The following FZD3 variants were observed in gnomAD, a reference collection of about 807,000 sequenced individuals.
FZD3 encodes the protein frizzled-3.
In FZD3, 30 loss-of-function variants were observed where a neutral mutation model predicts 60.7. The ratio of observed to expected loss-of-function variants is 0.49; its 90% CI spans 0.37 to 0.67. The LOEUF is 0.67. Among genes scored for constraint, FZD3 ranks in the 30% least tolerant of loss-of-function variants. The pLI is 0.00. For missense variants in FZD3, 605 were observed against 838.7 expected, an observed-to-expected ratio of 0.72 and a Z score of 3.44; for synonymous variants, 246 against 275.2, an observed-to-expected ratio of 0.89 and a Z score of 1.05.
chr8:28,529,995 A>T (rs538093505), intron 5 of FZD3, among the ~76,000 whole-genome samples: 2 of 152,142 alleles, frequency 1.3e-5, no homozygotes, highest in Non-Finnish European at 2.9e-5. Context: ...CAAACATGTA[A>T]ATCAGTAGAG....
At chr8:28,531,613 C>T (rs553999388) in intron 5 of FZD3, among the ~76,000 whole-genome samples, 1 of 152,268 alleles carries the variant, frequency 6.6e-6, no homozygotes, top group East Asian at 1.9e-4. Context: ...TTTTGGCACT[C>T]TCAGGCTTCT....
Position 28,523,934 on chromosome 8 carries a change from A to G in FZD3, c.386+3100A>G, listed in dbSNP as rs116203574. On this transcript the variant is annotated intron_variant, in intron 4 of 7. Coordinates refer to ENST00000240093, the MANE Select transcript of FZD3 (RefSeq NM_017412.4). Reference sequence around the variant, plus strand: ...GCGGGATTGGGTTCCTGATAAAAGGATGAGTTTGGCCCCTTTTCCTCCCTG... The same window carrying G: ...GCGGGATTGGGTTCCTGATAAAAGGGTGAGTTTGGCCCCTTTTCCTCCCTG... 3.4e-3 allele frequency among the ~76,000 whole-genome samples: 520 copies of G among 152,140 alleles called. 3 individuals carry two copies. Among genetic ancestry groups the G allele is most frequent in the African/African-American group, 0.012 (501 of 41,506 alleles).
intron 3 of FZD3, among the ~76,000 whole-genome samples, chr8:28,514,924 A>C (rs1236511486): frequency 6.6e-6 from 1 of 152,212 alleles, no homozygotes; most frequent in Non-Finnish European, 1.5e-5. Flanking sequence ...ACCATTTTAC[A>C]GAAGAGGAAA....
chr8:28,530,759 A>G (rs1171575929), intron 5 of FZD3, among the ~76,000 whole-genome samples: 1 of 151,350 alleles, frequency 6.6e-6, no homozygotes, highest in African/African-American at 2.4e-5. Flanking sequence ...GTTCATTCCC[A>G]TAAAAGCCTG....
At chr8:28,523,012 C>T (rs987910060) in intron 4 of FZD3, among the ~76,000 whole-genome samples, 3 of 152,004 alleles carry the variant, frequency 2.0e-5, no homozygotes, top group East Asian at 1.9e-4. Context: ...TTAAGTGGTC[C>T]GCCCGCCTCA....
chr8:28,547,858 T>C (rs1397096340), intron 5 of FZD3, among the ~76,000 whole-genome samples: 2 of 148,136 alleles, frequency 1.4e-5, no homozygotes, highest in African/African-American at 2.5e-5. Context: ...AGTTGTCTCT[T>C]TTTTTTTTTT....
At chr8:28,519,053 A>G (rs555170537) in intron 3 of FZD3, among the ~76,000 whole-genome samples, 4 of 152,276 alleles carry the variant, frequency 2.6e-5, no homozygotes, top group Non-Finnish European at 5.9e-5. Context: ...ATCAGTTATT[A>G]TATTCATTTT....
At chr8:28,494,876 G>T (rs1803799682) in intron 1 of FZD3, among the ~76,000 whole-genome samples, 1 of 152,176 alleles carries the variant, frequency 6.6e-6, no homozygotes, top group African/African-American at 2.4e-5. Flanking sequence ...CCCGGCCCCG[G>T]CTCGGGTCAG....
intron 5 of FZD3, among the ~76,000 whole-genome samples, chr8:28,531,506 A>G (rs1456233278): frequency 6.6e-6 from 1 of 152,118 alleles, no homozygotes; most frequent in Non-Finnish European, 1.5e-5. Flanking sequence ...AAGAGTTTCT[A>G]TTGGAATTTT....
At chr8:28,530,239 A>G (rs1317207769) in intron 5 of FZD3, among the ~76,000 whole-genome samples, 1 of 152,010 alleles carries the variant, frequency 6.6e-6, no homozygotes, top group Admixed American at 6.6e-5. Context: ...TGTAAGCTGG[A>G]GTAGGAGTCC....
At chr8:28,561,263 G>A (rs890730160) in intron 7 of FZD3, among the ~76,000 whole-genome samples, 1 of 151,942 alleles carries the variant, frequency 6.6e-6, no homozygotes, top group East Asian at 1.9e-4. Context: ...TACCACATTC[G>A]CCAGGCTGGT....
At position 28,555,805 on chromosome 8, in the gene FZD3, A is replaced by C; in HGVS notation, c.1621A>C (p.Asn541His). The C allele has an allele frequency of 6.2e-7, 1 of 1,613,924 alleles. No homozygotes were observed. The highest frequency in any genetic ancestry group is 8.5e-7 in the Non-Finnish European group (1 of 1,179,768). The change falls in exon 7 of 8, where the codon AAT becomes CAT. Residue 541 changes from asparagine (N) to histidine (H), a missense_variant. By Grantham distance (68) the Asn-to-His change is moderately conservative. Coordinates refer to ENST00000240093, the MANE Select transcript of FZD3 (RefSeq NM_017412.4). ...DFAQSLLRDPNTPIIRKSRGT... is the reference protein window; with the variant it reads ...DFAQSLLRDPHTPIIRKSRGT... ...TGCTCAGTCTCTCCTGAGGGATCCA[A>C]ATACTCCTATCATAAGAAAGTCAAG...
chr8:28,552,388 A>G (rs181104548), intron 6 of FZD3, among the ~76,000 whole-genome samples: 2 of 152,364 alleles, frequency 1.3e-5, no homozygotes, highest in African/African-American at 4.8e-5. Context: ...AGTGTGATAT[A>G]AGGGCATATT....
chr8:28,496,651 G>GT (rs1187474901), intron 1 of FZD3, among the ~76,000 whole-genome samples: 1 of 152,188 alleles, frequency 6.6e-6, no homozygotes, highest in Non-Finnish European at 1.5e-5. Context: ...CAAATGAAGT[G>GT]TAACAGCTTC....
At chr8:28,494,580 G>A (rs1055268189) in intron 1 of FZD3, among the ~76,000 whole-genome samples, 3 of 152,034 alleles carry the variant, frequency 2.0e-5, no homozygotes, top group Admixed American at 6.5e-5. Context: ...GCCCGCGGTG[G>A]CGGCTGGGGG....
At chr8:28,514,494 C>T (rs951769958) in intron 3 of FZD3, among the ~76,000 whole-genome samples, 1 of 152,324 alleles carries the variant, frequency 6.6e-6, no homozygotes, top group African/African-American at 2.4e-5. Flanking sequence ...AGATACAGAG[C>T]ATTTCCATCA....
intron 4 of FZD3, among the ~76,000 whole-genome samples, chr8:28,522,767 C>CTTTTTTTTTTTTT (rs35662589): frequency 1.0e-5 from 1 of 96,870 alleles, no homozygotes; most frequent in Non-Finnish European, 2.0e-5. Context: ...AGGGAACTTT[C>CTTTTTTTTTTTTT]TTTTTTTTTT....
At chr8:28,540,127 T>C (rs1805125158) in intron 5 of FZD3, among the ~76,000 whole-genome samples, 1 of 152,198 alleles carries the variant, frequency 6.6e-6, no homozygotes, top group African/African-American at 2.4e-5. Flanking sequence ...CAGGCTGTTG[T>C]AGAACAGGGA....
At chr8:28,557,137 A>G (rs943693970) in intron 7 of FZD3, among the ~76,000 whole-genome samples, 1 of 149,172 alleles carries the variant, frequency 6.7e-6, no homozygotes, top group African/African-American at 2.5e-5. Flanking sequence ...TGAAGCCAGG[A>G]GGTGGAGGTT....
Sources: allele counts gnomAD v4.1 joint callset (sites outside exome capture counted in the v4.1 genomes callset), GRCh38; gene constraint gnomAD v4.1.1; transcripts MANE v1.5; gene names NCBI Gene and HGNC (gene_info 2026-07-23, HGNC 2026-07-21).